Variants in SH2D4A observed in about 807,000 individuals in gnomAD.
SH2D4A encodes the protein SH2 domain-containing protein 4A.
Under a neutral mutation model 64.7 loss-of-function variants are expected in SH2D4A, and 70 were observed. The observed-to-expected ratio is 1.08, with a 90% CI of 0.89 to 1.32. The LOEUF is 1.32. Ranked by LOEUF, SH2D4A falls within the 40% of genes most tolerant of loss-of-function variation. The pLI is 0.00. For missense variants in SH2D4A, 706 were observed against 540.1 expected (o/e 1.31, Z -3.04); for synonymous variants, 268 against 200.7 (o/e 1.34, Z -2.83).
chr8:19,383,264 A>C (rs1466912531), intron 8 of SH2D4A, among the ~76,000 whole-genome samples: 2 of 151,592 alleles, frequency 1.3e-5, no homozygotes, highest in Non-Finnish European at 2.9e-5. Context: ...TGTTCCTCAA[A>C]CTCAGTAACA....
At chr8:19,323,908 G>A (rs754124085) in intron 2 of SH2D4A, among the ~76,000 whole-genome samples, 54 of 152,174 alleles carry the variant, frequency 3.5e-4, no homozygotes, top group Non-Finnish European at 5.7e-4. Flanking sequence ...GCTCAGGGAC[G>A]TTCATTAACT....
At chr8:19,319,242 A>T (rs2117170594) in intron 1 of SH2D4A, 102 bp from the exon 2 acceptor site, 1 of 871,166 alleles carries the variant, frequency 1.1e-6, no homozygotes, top group African/African-American at 1.8e-5. Flanking sequence ...TGAACTGAAA[A>T]GTGATACTGT....
At chr8:19,316,901 G>A (rs1002094337) in intron 1 of SH2D4A, among the ~76,000 whole-genome samples, 1 of 152,218 alleles carries the variant, frequency 6.6e-6, no homozygotes, top group African/African-American at 2.4e-5. Context: ...GATTAAGTGA[G>A]TTAACACATG....
At chr8:19,313,898 G>A (rs2052038476) in intron 1 of SH2D4A, 75 bp downstream of exon 1, 8 of 1,372,182 alleles carry the variant, frequency 5.8e-6, no homozygotes, top group Non-Finnish European at 6.6e-6. Context: ...GAATTTCCTC[G>A]GAGGTTGCAT....
intron 4 of SH2D4A, among the ~76,000 whole-genome samples, chr8:19,337,959 T>G (rs1186549631): frequency 1.3e-5 from 2 of 151,962 alleles, no homozygotes; most frequent in Non-Finnish European, 2.9e-5. Flanking sequence ...GAAAGCAGAG[T>G]TATGCTGCCA....
intron 2 of SH2D4A, among the ~76,000 whole-genome samples, chr8:19,332,240 T>A (rs767768985): frequency 2.7e-4 from 41 of 152,150 alleles, no homozygotes; most frequent in Admixed American, 5.2e-4. Flanking sequence ...AGGGAGATAG[T>A]TAGATGTAAG....
intron 4 of SH2D4A, among the ~76,000 whole-genome samples, chr8:19,350,265 G>A (rs569204117): frequency 6.6e-6 from 1 of 152,142 alleles, no homozygotes; most frequent in South Asian, 2.1e-4. Context: ...GCATGTGAAT[G>A]CTTTGCCCAA....
rs144421133 is a variant in SH2D4A, at chr8:19,319,532, C to G, written c.-16C>G. 4.7e-6 allele frequency: 7 copies of G among 1,492,312 alleles called. No homozygotes were observed. The East Asian group carries it at 1.5e-4, about 32-fold the overall frequency. 92.4% of individuals were successfully genotyped at this position (1,492,312 alleles called of 1,614,324 possible). A position where few individuals can be genotyped will look rare whatever the true frequency, so the allele number is the denominator to read the frequency against. On this transcript the variant is annotated 5_prime_UTR_variant, in exon 2 of 10. Transcript: ENST00000265807. The stretch of plus-strand genomic sequence containing the variant: ...GAACTTTTGCCACAAGTATAAAAGA[C>G]TTCAGAAGTGCAAAGATGCTGAAAC...
Position 19,354,213 on chromosome 8 carries a change from C to T in SH2D4A, c.514-2990C>T, listed in dbSNP as rs371544526. 3.5e-4 allele frequency among the ~76,000 whole-genome samples: 53 copies of T among 151,968 alleles called. 1 individual carries two copies. The South Asian group carries it at 6.7e-3, about 19-fold the overall frequency. On this transcript the variant is annotated intron_variant, in intron 4 of 9. Transcript: ENST00000265807. ...ATGGGGTTTCACCATGTGGGCCAGACGGGTCTCGAACTCCTGACCTCAGGT... is the reference window on the plus strand; with the variant it reads ...ATGGGGTTTCACCATGTGGGCCAGATGGGTCTCGAACTCCTGACCTCAGGT...
intron 7 of SH2D4A, among the ~76,000 whole-genome samples, chr8:19,370,525 C>G (rs1483665572): frequency 6.6e-6 from 1 of 151,970 alleles, no homozygotes. Flanking sequence ...AGCTTCAGGT[C>G]TGCTTTATAT....
chr8:19,341,154 C>T (rs1463002026), intron 4 of SH2D4A, among the ~76,000 whole-genome samples: 1 of 152,194 alleles, frequency 6.6e-6, no homozygotes, highest in South Asian at 2.1e-4. Context: ...GCCCCCAGGC[C>T]TTCTCCTTTA....
chr8:19,344,294 C>T (rs1237369026), intron 4 of SH2D4A, among the ~76,000 whole-genome samples: 1 of 152,134 alleles, frequency 6.6e-6, no homozygotes, highest in African/African-American at 2.4e-5. Context: ...AATCCGCTTA[C>T]AGGTATATTC....
chr8:19,386,489 G>C (rs1162206051), intron 8 of SH2D4A, among the ~76,000 whole-genome samples: 1 of 152,168 alleles, frequency 6.6e-6, no homozygotes, highest in East Asian at 1.9e-4. Flanking sequence ...ATGCACTTGA[G>C]TCCTCATCCT....
chr8:19,376,522 T>C (rs750337055), intron 8 of SH2D4A, among the ~76,000 whole-genome samples: 8 of 152,104 alleles, frequency 5.3e-5, no homozygotes, highest in Non-Finnish European at 8.8e-5. Flanking sequence ...CTCGGGAGGC[T>C]GAGGCAGGAG....
Position 19,373,512 on chromosome 8 carries a change from A to C in SH2D4A, c.918-18A>C. The C allele has an allele frequency of 6.4e-7, 1 of 1,558,012 alleles. No individual in the cohort carries two copies. The highest frequency in any genetic ancestry group is 8.7e-7 in the Non-Finnish European group (1 of 1,152,936). ...CAAATTAGTTAAATCTAACTTGAAA[A>C]ACTTTTATAAATAACAGAAATCAGG... On this transcript the variant is annotated intron_variant, in intron 7 of 9. Transcript: ENST00000265807.
chr8:19,356,965 C>A (rs1279390146), intron 4 of SH2D4A, among the ~76,000 whole-genome samples: 8 of 152,222 alleles, frequency 5.3e-5, no homozygotes, highest in African/African-American at 1.9e-4. Flanking sequence ...ACCACCAGCT[C>A]CTCGCTCTTG....
At chr8:19,348,156 T>C (rs561514319) in intron 4 of SH2D4A, among the ~76,000 whole-genome samples, 1 of 152,212 alleles carries the variant, frequency 6.6e-6, no homozygotes, top group African/African-American at 2.4e-5. Flanking sequence ...AGTGCCACGG[T>C]GCAATAATGA....
intron 4 of SH2D4A, among the ~76,000 whole-genome samples, chr8:19,341,590 G>T (rs2052529749): frequency 6.6e-6 from 1 of 152,096 alleles, no homozygotes; most frequent in South Asian, 2.1e-4. Context: ...CATCTGTAAT[G>T]CCTGCACTTT....
intron 4 of SH2D4A, among the ~76,000 whole-genome samples, chr8:19,341,779 T>G (rs966846685): frequency 1.3e-5 from 2 of 150,716 alleles, no homozygotes; most frequent in Admixed American, 1.3e-4. Flanking sequence ...GAGGCAGAAG[T>G]TGCAGCGAGC....
Sources: allele counts gnomAD v4.1 joint callset (sites outside exome capture counted in the v4.1 genomes callset), GRCh38; gene constraint gnomAD v4.1.1; transcripts MANE v1.5; gene names NCBI Gene and HGNC (gene_info 2026-07-23, HGNC 2026-07-21).